The following TBXT variants were observed in gnomAD, a reference collection of about 807,000 sequenced individuals.
TBXT encodes T-box transcription factor T.
TBXT carries 19 observed loss-of-function variants against 41.1 expected under a neutral mutation model. The ratio of observed to expected loss-of-function variants is 0.46; its 90% CI spans 0.32 to 0.68. TBXT has a LOEUF of 0.68. TBXT is among the 30% of genes least tolerant of loss of function. TBXT has a pLI of 0.03. For missense variants in TBXT, 536 were observed against 582.0 expected, an observed-to-expected ratio of 0.92 and a Z score of 0.81; for synonymous variants, 213 against 238.9, an observed-to-expected ratio of 0.89 and a Z score of 1.00.
In TBXT at chr6:166,167,801, G is replaced by T. The variant is rs911905730; in HGVS notation, c.-210C>A. On this transcript the variant is annotated 5_prime_UTR_variant, in exon 1 of 8. Coordinates refer to ENST00000366876, the MANE Select transcript of TBXT (RefSeq NM_001366285.2). ...GGAGGGGACGGGGGCAGAGGGGTGG[G>T]GAGAAGTTATTCCACTTGAACTCCC... 7 of 627,372 alleles carry T rather than the reference G, an allele frequency of 1.1e-5. No homozygotes were observed. The highest frequency in any genetic ancestry group is 1.8e-5 in the African/African-American group (1 of 54,218). 38.9% of individuals were successfully genotyped at this position (627,372 alleles called of 1,614,324 possible). A position where few individuals can be genotyped will look rare whatever the true frequency, so the allele number is the denominator to read the frequency against.
chr6:166,158,295 G>A lies in TBXT; in HGVS notation c.*20C>T, dbSNP rs377596495. The A allele has an allele frequency of 9.3e-6, 15 of 1,614,200 alleles. No homozygotes were observed. The highest frequency in any genetic ancestry group is 5.3e-5 in the African/African-American group (4 of 75,060). ...ACGACAAAAAGTCACTGCATCTTTCGGGACCTGGGCCTTGCTGCTTCACAT... is the reference window on the plus strand; with the variant it reads ...ACGACAAAAAGTCACTGCATCTTTCAGGACCTGGGCCTTGCTGCTTCACAT... On this transcript the variant is annotated 3_prime_UTR_variant, in exon 8 of 8. Transcript: ENST00000366876.
intron 7 of TBXT, among the ~76,000 whole-genome samples, chr6:166,159,107 T>C (rs183334617): frequency 1.1e-3 from 160 of 152,308 alleles, no homozygotes; most frequent in African/African-American, 3.7e-3. Context: ...GGGAGGCAGA[T>C]GTTGCAGTGA....
At chr6:166,163,453 G>A (rs565677360) in intron 5 of TBXT, among the ~76,000 whole-genome samples, 2 of 152,254 alleles carry the variant, frequency 1.3e-5, no homozygotes, top group South Asian at 4.1e-4. Context: ...GTGTGATCTT[G>A]GCTTATTGCA....
At chr6:166,162,366 C>A (rs1164211658) in intron 6 of TBXT, 81 bp downstream of exon 6, 14 of 1,524,858 alleles carry the variant, frequency 9.2e-6, no homozygotes, top group Non-Finnish European at 1.3e-5. Flanking sequence ...TTTTTAGATT[C>A]TAGACTCCTG....
In TBXT at chr6:166,166,636, A is replaced by T; in HGVS notation, c.427T>A (p.Phe143Ile). 1 of 1,614,050 alleles carries T rather than the reference A, an allele frequency of 6.2e-7. No individual in the cohort carries two copies. Among genetic ancestry groups the T allele is most frequent in the Non-Finnish European group, 8.5e-7 (1 of 1,180,014 alleles). The stretch of plus-strand genomic sequence containing the variant: ...TTGTTGGTGAGCTTGACTTTGCTGA[A>T]GGAGACGGGAGCCTTCATCCAGTGG... Reference protein sequence around the residue: ...GAHWMKAPVSFSKVKLTNKLN... With the variant: ...GAHWMKAPVSISKVKLTNKLN... Residue 143 changes from phenylalanine (F) to isoleucine (I), a missense_variant, in exon 2 of 8, where the codon TTC becomes ATC. Phe to Ile is a conservative substitution (Grantham distance 21, BLOSUM62 0). Coordinates refer to ENST00000366876, the MANE Select transcript of TBXT (RefSeq NM_001366285.2).
At chr6:166,167,133 G>A (rs1263574615) in intron 1 of TBXT, among the ~76,000 whole-genome samples, 1 of 152,246 alleles carries the variant, frequency 6.6e-6, no homozygotes, top group African/African-American at 2.4e-5. Context: ...GGACCAGGGC[G>A]CGCCTCGCGG....
Position 166,158,451 on chromosome 6 carries a change from G to A in TBXT, c.1175C>T (p.Ser392Leu), listed in dbSNP as rs149220881. 5 of 1,614,004 alleles carry A rather than the reference G, an allele frequency of 3.1e-6. No homozygotes were observed. Among genetic ancestry groups the A allele is most frequent in the Admixed American group, 1.7e-5 (1 of 60,010 alleles). Residue 392 changes from serine (S) to leucine (L), a missense_variant, in exon 8 of 8, where the codon TCG becomes TTG. Coordinates refer to ENST00000366876, the MANE Select transcript of TBXT (RefSeq NM_001366285.2). The part of the protein sequence containing the change: ...AHYTPLTHPV[S>L]APSSSGSPLY... The stretch of plus-strand genomic sequence containing the variant: ...TGGGGATCCCGAGGAAGAGGGCGCC[G>A]AGACCGGATGGGTGAGGGGTGTGTA...
At chr6:166,161,290 T>A (rs963917678) in intron 6 of TBXT, among the ~76,000 whole-genome samples, 2 of 152,152 alleles carry the variant, frequency 1.3e-5, no homozygotes, top group Non-Finnish European at 2.9e-5. Context: ...AAATATAACT[T>A]TACCCTGCCT....
At chr6:166,161,707 G>A (rs1007613501) in intron 6 of TBXT, among the ~76,000 whole-genome samples, 4 of 99,310 alleles carry the variant, frequency 4.0e-5, no homozygotes, top group African/African-American at 1.4e-4. Context: ...TGGATCACGA[G>A]GTCAGAAGAT....
At chr6:166,159,834 C>T (rs1778898589) in intron 7 of TBXT, among the ~76,000 whole-genome samples, 1 of 152,200 alleles carries the variant, frequency 6.6e-6, no homozygotes, top group Non-Finnish European at 1.5e-5. Context: ...CGGGTGGGGC[C>T]TCTGTCAACA....
At chr6:166,166,066 G>A (rs2128523217) in intron 2 of TBXT, among the ~76,000 whole-genome samples, 1 of 152,308 alleles carries the variant, frequency 6.6e-6, no homozygotes, top group East Asian at 1.9e-4. Flanking sequence ...TAAAAGCAAT[G>A]AATGCTCATC....
chr6:166,168,031 C>A (rs949793195), upstream of TBXT, among the ~76,000 whole-genome samples: 11 of 152,104 alleles, frequency 7.2e-5, no homozygotes, highest in African/African-American at 2.7e-4. Flanking sequence ...GGCTCCCGCA[C>A]GCCTGTTTCA....
rs1376101274 is a variant in TBXT at position 166,160,921 on chromosome 6, T to C, written c.953A>G (p.His318Arg). 6.2e-7 allele frequency: 1 copy of C among 1,613,934 alleles called. No homozygotes were observed. The highest frequency in any genetic ancestry group is 1.3e-5 in the African/African-American group (1 of 74,904). The change falls in exon 7 of 8, where the codon CAT becomes CGT. Residue 318 changes from histidine to arginine, a missense_variant. Transcript: ENST00000366876. ...SPACLSMLQSHDNWSSLGMPA... is the reference protein window; with the variant it reads ...SPACLSMLQSRDNWSSLGMPA... ...CATTCCAAGGCTGGACCAATTGTCA[T>C]GGGATTGCAGCATGGATAAACATGC...
chr6:166,168,083 C>T (rs963751784), upstream of TBXT, among the ~76,000 whole-genome samples: 1 of 152,080 alleles, frequency 6.6e-6, no homozygotes, highest in Non-Finnish European at 1.5e-5. Flanking sequence ...CGGCCCAGCC[C>T]CTACACCCCC....
chr6:166,158,376 T>C lies in TBXT; in HGVS notation c.1250A>G (p.Asp417Gly). 6.2e-7 allele frequency: 1 copy of C among 1,614,146 alleles called. No homozygotes were observed. The highest frequency in any genetic ancestry group is 8.5e-7 in the Non-Finnish European group (1 of 1,180,024). ...AATDIVDSQYDAAAQGRLIAS... is the reference protein window; with the variant it reads ...AATDIVDSQYGAAAQGRLIAS... Reference sequence around the variant, plus strand: ...TATGAGGCGGCCTTGGGCTGCGGCGTCGTACTGGCTGTCCACGATGTCTGT... The same window carrying C: ...TATGAGGCGGCCTTGGGCTGCGGCGCCGTACTGGCTGTCCACGATGTCTGT... Residue 417 changes from aspartate (D) to glycine (G), a missense_variant, in exon 8 of 8, where the codon GAC becomes GGC. Coordinates refer to ENST00000366876, the MANE Select transcript of TBXT (RefSeq NM_001366285.2).
At chr6:166,165,525 G>A (rs560741986) in intron 3 of TBXT, among the ~76,000 whole-genome samples, 181 bp downstream of exon 3, 62 of 152,290 alleles carry the variant, frequency 4.1e-4, no homozygotes, top group South Asian at 1.5e-3. Flanking sequence ...TTTGAATGGG[G>A]ACTTAATTTA....
chr6:166,159,888 G>A (rs558725946), intron 7 of TBXT, among the ~76,000 whole-genome samples: 1 of 152,332 alleles, frequency 6.6e-6, no homozygotes, highest in South Asian at 2.1e-4. Flanking sequence ...GGCTTCTGGG[G>A]CGATGCTCTT....
chr6:166,157,954 A>G lies in TBXT; in HGVS notation c.*361T>C. The stretch of plus-strand genomic sequence containing the variant: ...CACTAAAGTAGGACTGGTGGAGTTT[A>G]CAAATTCTGGTGTGCCAAAGTTGCC... On this transcript the variant is annotated 3_prime_UTR_variant, in exon 8 of 8. Coordinates refer to ENST00000366876, the MANE Select transcript of TBXT (RefSeq NM_001366285.2). The G allele has an allele frequency of 2.6e-6, 1 of 381,542 alleles. No homozygotes were observed. Among genetic ancestry groups the G allele is most frequent in the Non-Finnish European group, 4.9e-6 (1 of 202,524 alleles). The allele number at this position is 381,542 out of a possible 1,614,324, so 23.6% of individuals were successfully genotyped here. A position where few individuals can be genotyped will look rare whatever the true frequency, so the allele number is the denominator to read the frequency against.
chr6:166,158,617 G>A (rs372473007), intron 7 of TBXT, 29 bp from the exon 8 acceptor site: 1 of 1,474,662 alleles, frequency 6.8e-7, no homozygotes, highest in Non-Finnish European at 9.0e-7. Flanking sequence ...AGTGAGCAGG[G>A]CCTGGGCAGG....
Sources: gnomAD v4.1 joint callset for allele counts (sites outside exome capture counted in the v4.1 genomes callset) on GRCh38, gnomAD v4.1.1 for gene constraint, MANE v1.5 for transcripts, NCBI Gene and HGNC (gene_info 2026-07-23, HGNC 2026-07-21) for gene names.